STXBP5L: variants seen among roughly 807,000 people sequenced by gnomAD.
STXBP5L encodes syntaxin binding protein 5L.
A neutral mutation model predicts 144.5 loss-of-function variants in STXBP5L; 65 were observed. That is an observed-to-expected ratio of 0.45 (90% CI 0.37 to 0.55). The LOEUF is 0.55. Among genes scored for constraint, STXBP5L ranks in the 20% least tolerant of loss-of-function variants. STXBP5L has a pLI of 0.00. For synonymous variants in STXBP5L, 505 were observed against 469.6 expected, an observed-to-expected ratio of 1.08 and a Z score of -0.97; for missense variants, 1,298 against 1,405.5, an observed-to-expected ratio of 0.92 and a Z score of 1.22.
chr3:121,054,174 T>G (rs1948261101), intron 5 of STXBP5L, among the ~76,000 whole-genome samples: 1 of 152,048 alleles, frequency 6.6e-6, no homozygotes, highest in African/African-American at 2.4e-5. Context: ...ATTGTGGAAG[T>G]CAGTGTGGCG....
intron 5 of STXBP5L, among the ~76,000 whole-genome samples, chr3:121,051,426 A>G (rs1475641468): frequency 6.6e-6 from 1 of 152,240 alleles, no homozygotes; most frequent in African/African-American, 2.4e-5. Context: ...GTCAGGATTA[A>G]GAAACTCACT....
intron 9 of STXBP5L, among the ~76,000 whole-genome samples, chr3:121,163,238 G>C (rs1245319244): frequency 6.6e-6 from 1 of 152,144 alleles, no homozygotes; most frequent in African/African-American, 2.4e-5. Flanking sequence ...ATACTATGCA[G>C]CCATAAAAAA....
Position 121,369,152 on chromosome 3 carries a change from GCTA to G in STXBP5L, c.2177-9558_2177-9556del, listed in dbSNP as rs1485934018. ...GGGGATTGGGAGTGGGGCATAGGTA[GCTA>G]CTACTGAGCTAAGAGCTAAAATTGA... On this transcript the variant is annotated intron_variant, in intron 20 of 26. Coordinates refer to ENST00000471454, the MANE Select transcript of STXBP5L (RefSeq NM_001308330.2). Among the ~76,000 whole-genome samples the G allele has an allele frequency of 1.8e-4, 28 of 152,292 alleles. No individual in the cohort carries two copies. In the East Asian group the frequency reaches 5.4e-3, roughly 29 times the overall value.
chr3:121,309,476 CAG>C (rs1186336168), intron 19 of STXBP5L, among the ~76,000 whole-genome samples: 5 of 151,928 alleles, frequency 3.3e-5, no homozygotes, highest in African/African-American at 1.2e-4. Context: ...TCCCAAATAA[CAG>C]AGTTACAAAA....
At chr3:121,132,859 G>A (rs1207690153) in intron 7 of STXBP5L, among the ~76,000 whole-genome samples, 2 of 152,028 alleles carry the variant, frequency 1.3e-5, no homozygotes, top group African/African-American at 4.8e-5. Context: ...AATCACTAGA[G>A]GGGTCAATAG....
chr3:121,297,208 G>A (rs1235432673), intron 19 of STXBP5L, among the ~76,000 whole-genome samples: 2 of 34,192 alleles, frequency 5.8e-5, no homozygotes, highest in African/African-American at 1.6e-4. Flanking sequence ...TTATATGTGT[G>A]TGTGTGTGTG....
chr3:121,051,890 A>G (rs1948031937), intron 5 of STXBP5L, among the ~76,000 whole-genome samples: 2 of 152,188 alleles, frequency 1.3e-5, no homozygotes, highest in African/African-American at 4.8e-5. Context: ...ATGCAATAAA[A>G]AATGATAAAG....
intron 2 of STXBP5L, among the ~76,000 whole-genome samples, chr3:120,930,987 G>T (rs1709902571): frequency 6.6e-6 from 1 of 152,034 alleles, no homozygotes; most frequent in South Asian, 2.1e-4. Flanking sequence ...TCTAAAGGCT[G>T]ACCAAAATGC....
intron 3 of STXBP5L, among the ~76,000 whole-genome samples, chr3:121,023,678 G>A (rs1033115467): frequency 6.6e-6 from 1 of 152,126 alleles, no homozygotes; most frequent in African/African-American, 2.4e-5. Flanking sequence ...CAAGCCAGGT[G>A]TATAAAAACG....
At chr3:120,990,472 G>C (rs1942732562) in intron 3 of STXBP5L, among the ~76,000 whole-genome samples, 1 of 152,056 alleles carries the variant, frequency 6.6e-6, no homozygotes, top group South Asian at 2.1e-4. Context: ...AAGTTCATAT[G>C]GAACCAAAAA....
intron 20 of STXBP5L, among the ~76,000 whole-genome samples, chr3:121,364,016 G>C (rs894003567): frequency 4.6e-5 from 7 of 152,094 alleles, no homozygotes; most frequent in Non-Finnish European, 8.8e-5. Flanking sequence ...AGTGTCATTT[G>C]AGGTACACAG....
chr3:121,272,827 T>C (rs1488570620), intron 18 of STXBP5L, among the ~76,000 whole-genome samples: 4 of 152,076 alleles, frequency 2.6e-5, no homozygotes, highest in Non-Finnish European at 4.4e-5. Flanking sequence ...GAACATCTTA[T>C]ACTTAATAAC....
Position 121,136,630 on chromosome 3 carries a change from G to A in STXBP5L, c.669+14926G>A, listed in dbSNP as rs114612111. On this transcript the variant is annotated intron_variant, in intron 7 of 26. Coordinates refer to ENST00000471454, the MANE Select transcript of STXBP5L (RefSeq NM_001308330.2). ...GGTAACACTTGTACACTGCTGGTGG[G>A]AATGTAAATTAGTTAAGCCATTGTG... 4.0e-3 allele frequency among the ~76,000 whole-genome samples: 608 copies of A among 152,308 alleles called. 1 individual carries two copies. Among genetic ancestry groups the A allele is most frequent in the African/African-American group, 0.013 (560 of 41,568 alleles).
intron 23 of STXBP5L, among the ~76,000 whole-genome samples, chr3:121,412,742 A>AC (rs1163830251): frequency 6.7e-6 from 1 of 148,578 alleles, no homozygotes; most frequent in Non-Finnish European, 1.5e-5. Context: ...AAAAAAAAAA[A>AC]AAAAAAACAA....
chr3:121,019,322 G>A (rs964442300), intron 3 of STXBP5L, among the ~76,000 whole-genome samples: 1 of 152,096 alleles, frequency 6.6e-6, no homozygotes, highest in African/African-American at 2.4e-5. Context: ...ATAATGCCTT[G>A]GGAGCTGTAT....
At chr3:121,040,330 G>A (rs545115467) in intron 3 of STXBP5L, among the ~76,000 whole-genome samples, 10 of 152,046 alleles carry the variant, frequency 6.6e-5, no homozygotes, top group African/African-American at 2.4e-4. Flanking sequence ...TTTATCTTAG[G>A]GAGGAATTTT....
intron 3 of STXBP5L, among the ~76,000 whole-genome samples, chr3:120,970,401 T>C (rs1576522514): frequency 6.6e-6 from 1 of 151,622 alleles, no homozygotes. Context: ...AGCTTCTGTT[T>C]GTTTGGGAAT....
In STXBP5L at chr3:120,909,780, T is replaced by A. The variant is rs780504779; in HGVS notation, c.189+13T>A. 1.2e-6 allele frequency: 2 copies of A among 1,608,416 alleles called. No homozygotes were observed. Among genetic ancestry groups the A allele is most frequent in the South Asian group, 2.2e-5 (2 of 89,894 alleles). ...CCAGATTTGCAAGGTAAGTTTTGAA[T>A]TGGCTTAAAGCCTATTATTTCTTTA... On this transcript the variant is annotated intron_variant, in intron 2 of 26. Transcript: ENST00000471454.
intron 3 of STXBP5L, among the ~76,000 whole-genome samples, chr3:121,033,571 T>TA (rs1197520980): frequency 8.9e-5 from 6 of 67,464 alleles, no homozygotes; most frequent in Non-Finnish European, 1.1e-4. Flanking sequence ...TAAAGTACAA[T>TA]TAAAAAAAAA....
Sources: allele counts gnomAD v4.1 joint callset (sites outside exome capture counted in the v4.1 genomes callset), GRCh38; gene constraint gnomAD v4.1.1; transcripts MANE v1.5; gene names NCBI Gene and HGNC (gene_info 2026-07-23, HGNC 2026-07-21).